SLC10A6: variants seen among roughly 807,000 people sequenced by gnomAD.
SLC10A6 encodes the protein solute carrier family 10 member 6, also known as sodium-dependent organic anion transporter.
In SLC10A6, 27 loss-of-function variants were observed where a neutral mutation model predicts 30.0. The observed-to-expected ratio is 0.90, with a 90% CI of 0.66 to 1.24. The LOEUF (loss-of-function observed/expected upper bound fraction) is 1.24. Ranked by LOEUF, SLC10A6 falls within the 50% of genes most tolerant of loss-of-function variation. The pLI is 0.00. For synonymous variants in SLC10A6, 166 were observed against 173.8 expected (o/e 0.95, Z 0.36); for missense variants, 439 against 457.0 (o/e 0.96, Z 0.36).
Position 86,825,534 on chromosome 4 carries a change from T to C in SLC10A6, c.805A>G (p.Met269Val), listed in dbSNP as rs1745966201. ...GATAACTGGAGCATGGTGATGCACATCTGAATATTCTGAGCTCCAGTTTCT... is the reference window on the plus strand; with the variant it reads ...GATAACTGGAGCATGGTGATGCACACCTGAATATTCTGAGCTCCAGTTTCT... ...SLETGAQNIQMCITMLQLSFT... is the reference protein window; with the variant it reads ...SLETGAQNIQVCITMLQLSFT... The change falls in exon 5 of 6, where the codon ATG becomes GTG. Residue 269 changes from methionine to valine, a missense_variant. Physicochemically the swap from Met to Val is conservative, Grantham distance 21. Coordinates refer to ENST00000273905, the MANE Select transcript of SLC10A6 (RefSeq NM_197965.3). The C allele has an allele frequency of 6.2e-7, 1 of 1,610,078 alleles. No individual in the cohort carries two copies. Among genetic ancestry groups the C allele is most frequent in the African/African-American group, 1.3e-5 (1 of 75,008 alleles).
chr4:86,842,609 A>T (rs1222103879), intron 1 of SLC10A6, among the ~76,000 whole-genome samples: 1 of 151,712 alleles, frequency 6.6e-6, no homozygotes, highest in Non-Finnish European at 1.5e-5. Flanking sequence ...AGGTGAGAGG[A>T]TCACTTGACC....
At chr4:86,847,480 C>T (rs1219043129) in intron 1 of SLC10A6, among the ~76,000 whole-genome samples, 1 of 152,026 alleles carries the variant, frequency 6.6e-6, no homozygotes, top group East Asian at 1.9e-4. Flanking sequence ...AGGTAAAACA[C>T]AAAAGCAGTG....
Position 86,848,889 on chromosome 4 carries a change from A to T in SLC10A6, c.227T>A (p.Phe76Tyr), listed in dbSNP as rs1443526698. The change falls in exon 1 of 6, where the codon TTT becomes TAT. Residue 76 changes from phenylalanine to tyrosine, a missense_variant. Transcript: ENST00000273905. ...WGIAVGLLCQ[F>Y]GLMPFTAYLL... ...ATAAGCTGTAAAAGGCATGAGCCCA[A>T]ACTGGCAGAGCAGTCCCACAGCAAT... 5 of 1,614,234 alleles carry T rather than the reference A, an allele frequency of 3.1e-6. No homozygotes were observed. Among genetic ancestry groups the T allele is most frequent in the Non-Finnish European group, 4.2e-6 (5 of 1,180,034 alleles).
intron 2 of SLC10A6, 101 bp downstream of exon 2, chr4:86,833,205 A>T: frequency 1.1e-6 from 1 of 913,700 alleles, no homozygotes; most frequent in Admixed American, 2.1e-5. Context: ...ATTAAGTACT[A>T]CCAAAAAAAT....
intron 1 of SLC10A6, among the ~76,000 whole-genome samples, chr4:86,836,084 T>G (rs1746180387): frequency 6.6e-6 from 1 of 152,186 alleles, no homozygotes; most frequent in Non-Finnish European, 1.5e-5. Flanking sequence ...CCATGCTACA[T>G]AGCTTTACCA....
chr4:86,840,347 C>T (rs759588315), intron 1 of SLC10A6, among the ~76,000 whole-genome samples: 19 of 152,074 alleles, frequency 1.2e-4, no homozygotes, highest in Non-Finnish European at 2.6e-4. Context: ...AATTAGGGCT[C>T]ATATTACCAT....
intron 1 of SLC10A6, among the ~76,000 whole-genome samples, chr4:86,844,378 G>A (rs1306932588): frequency 6.6e-6 from 1 of 152,076 alleles, no homozygotes; most frequent in African/African-American, 2.4e-5. Flanking sequence ...ATCTCTAGTA[G>A]GATATATTGG....
intron 3 of SLC10A6, 114 bp downstream of exon 3, chr4:86,831,678 T>G: frequency 1.2e-6 from 1 of 814,778 alleles, no homozygotes; most frequent in East Asian, 2.7e-5. Flanking sequence ...GTAAGAAGAA[T>G]TTCTGGGTGT....
At chr4:86,842,376 T>C (rs1050283184) in intron 1 of SLC10A6, among the ~76,000 whole-genome samples, 6 of 152,112 alleles carry the variant, frequency 3.9e-5, no homozygotes, top group Admixed American at 3.9e-4. Context: ...CTCTTGTATA[T>C]ATCAAAAGTT....
chr4:86,847,820 C>T lies in SLC10A6; in HGVS notation c.377+919G>A, dbSNP rs186772424. Among the ~76,000 whole-genome samples the T allele has an allele frequency of 4.6e-5, 7 of 152,292 alleles. No individual in the cohort carries two copies. The East Asian group carries it at 1.2e-3, about 25-fold the overall frequency. On this transcript the variant is annotated intron_variant, in intron 1 of 5. Transcript: ENST00000273905. ...AAATGACATACACATGAAACAAATA[C>T]TTAAATTTATAAGCAGTTCTTCCCC...
intron 1 of SLC10A6, among the ~76,000 whole-genome samples, chr4:86,842,877 T>TCTTTCTTTC (rs201477476): frequency 1.4e-3 from 171 of 119,554 alleles, no homozygotes; most frequent in Admixed American, 3.1e-3. Flanking sequence ...TTTCTTTCTT[T>TCTTTCTTTC]TTTTTTTTGA....
chr4:86,841,962 T>C (rs1233791574), intron 1 of SLC10A6, among the ~76,000 whole-genome samples: 1 of 152,182 alleles, frequency 6.6e-6, no homozygotes, highest in Non-Finnish European at 1.5e-5. Flanking sequence ...ATAATGAGTA[T>C]TTATTGAGCA....
chr4:86,848,320 C>A (rs538821254), intron 1 of SLC10A6, among the ~76,000 whole-genome samples: 2 of 152,150 alleles, frequency 1.3e-5, no homozygotes, highest in South Asian at 4.1e-4. Flanking sequence ...ACTGGAGCTA[C>A]GGGAGTCTCA....
At chr4:86,834,250 C>A (rs1048967364) in intron 1 of SLC10A6, among the ~76,000 whole-genome samples, 1 of 152,158 alleles carries the variant, frequency 6.6e-6, no homozygotes, top group Non-Finnish European at 1.5e-5. Flanking sequence ...GATGCCTGCT[C>A]CTCTTCCCCT....
At chr4:86,841,622 T>C (rs1160053610) in intron 1 of SLC10A6, among the ~76,000 whole-genome samples, 1 of 152,132 alleles carries the variant, frequency 6.6e-6, no homozygotes, top group East Asian at 1.9e-4. Context: ...GACAAACAGG[T>C]CAGTCTTGAA....
intron 1 of SLC10A6, among the ~76,000 whole-genome samples, chr4:86,846,321 T>C (rs555409831): frequency 6.6e-6 from 1 of 152,200 alleles, no homozygotes; most frequent in African/African-American, 2.4e-5. Context: ...AAATCAAAAT[T>C]TAGAAAGAAA....
chr4:86,842,384 G>A (rs1746305862), intron 1 of SLC10A6, among the ~76,000 whole-genome samples: 1 of 152,160 alleles, frequency 6.6e-6, no homozygotes, highest in African/African-American at 2.4e-5. Flanking sequence ...TATATCAAAA[G>A]TTCTCAAACA....
chr4:86,828,881 A>G (rs1746038324), intron 3 of SLC10A6, among the ~76,000 whole-genome samples: 1 of 152,206 alleles, frequency 6.6e-6, no homozygotes, highest in African/African-American at 2.4e-5. Flanking sequence ...TGGGAAAATC[A>G]GGATCTTGGC....
In SLC10A6 at chr4:86,833,299, T is replaced by C. The variant is rs368515453; in HGVS notation, c.496+7A>G. On this transcript the variant is annotated splice_region_variant and intron_variant, in intron 2 of 5. Transcript: ENST00000273905. The stretch of plus-strand genomic sequence containing the variant: ...GTTAGTCCTCCATTTCCCAGGCCCA[T>C]ACAGACCTATGTTCTGATAAGGAAT... 4.8e-5 allele frequency: 77 copies of C among 1,595,168 alleles called. No homozygotes were observed. In the African/African-American group the frequency reaches 9.8e-4, roughly 20 times the overall value.
Sources: gnomAD v4.1 joint callset for allele counts (sites outside exome capture counted in the v4.1 genomes callset) on GRCh38, gnomAD v4.1.1 for gene constraint, MANE v1.5 for transcripts, NCBI Gene and HGNC (gene_info 2026-07-23, HGNC 2026-07-21) for gene names.